The following EML2 variants were observed in gnomAD, a reference collection of about 807,000 sequenced individuals.
EML2 encodes echinoderm microtubule-associated protein-like 2.
EML2 carries 59 observed loss-of-function variants against 84.7 expected under a neutral mutation model. That is an observed-to-expected ratio of 0.70 (90% CI 0.56 to 0.86). The LOEUF (loss-of-function observed/expected upper bound fraction) is 0.86, where lower values mean the gene tolerates loss of function less well. EML2 is among the 40% of genes least tolerant of loss of function. The pLI, the probability that EML2 is intolerant of heterozygous loss-of-function variation, is 0.00. For synonymous variants in EML2, 352 were observed against 348.9 expected, an observed-to-expected ratio of 1.01 and a Z score of -0.10; for missense variants, 818 against 855.6, an observed-to-expected ratio of 0.96 and a Z score of 0.55.
intron 8 of EML2, among the ~76,000 whole-genome samples, chr19:45,625,247 T>G (rs1282068122): frequency 6.6e-6 from 1 of 152,120 alleles, no homozygotes; most frequent in Non-Finnish European, 1.5e-5. Context: ...GTTTTGTTTT[T>G]GTTTTTGTTT....
chr19:45,645,524 G>C (rs956444031), upstream of EML2: 3 of 1,279,618 alleles, frequency 2.3e-6, no homozygotes, highest in Admixed American at 9.8e-5. Flanking sequence ...CCAGAAAGGG[G>C]GGTCGGGACA....
Position 45,628,983 on chromosome 19 carries a change from G to T in EML2, c.606+968C>A, listed in dbSNP as rs545698204. Among the ~76,000 whole-genome samples the T allele has an allele frequency of 1.9e-4, 29 of 152,212 alleles. No homozygotes were observed. The South Asian group carries it at 2.9e-3, about 15-fold the overall frequency. Reference sequence around the variant, plus strand: ...CTTAAAATAGGCCACCTCTCAGAGAGGGAAATCGAGACACCAGAGGACTGC... The same window carrying T: ...CTTAAAATAGGCCACCTCTCAGAGATGGAAATCGAGACACCAGAGGACTGC... On this transcript the variant is annotated intron_variant, in intron 7 of 18. Coordinates refer to ENST00000245925, the MANE Select transcript of EML2 (RefSeq NM_012155.4).
chr19:45,618,958 A>C, intron 12 of EML2, 102 bp downstream of exon 12: 2 of 1,326,606 alleles, frequency 1.5e-6, no homozygotes, highest in Non-Finnish European at 2.0e-6. Context: ...AAGAAAAAAA[A>C]AAAAAGACCT....
upstream of EML2, chr19:45,644,906 T>C: frequency 7.0e-6 from 3 of 428,342 alleles, no homozygotes; most frequent in Non-Finnish European, 1.4e-5. Flanking sequence ...CCTCTGTCTG[T>C]CCCCCTGCTA....
intron 6 of EML2, chr19:45,632,497 A>T (rs12386125): frequency 0.34 from 60,446 of 175,490 alleles, 10,549 homozygotes; most frequent in East Asian, 0.5. Context: ...ATTTTTTTTT[A>T]AAAAAAAGCC....
Position 45,630,058 on chromosome 19 carries a change from G to A in EML2, c.511-12C>T, listed in dbSNP as rs372194306. The A allele has an allele frequency of 8.7e-6, 14 of 1,604,154 alleles. No homozygotes were observed. Among genetic ancestry groups the A allele is most frequent in the Middle Eastern group, 1.7e-4 (1 of 6,030 alleles). On this transcript the variant is annotated splice_polypyrimidine_tract_variant and intron_variant, in intron 6 of 18. Transcript: ENST00000245925. ...AGGTTGCCTCCATTCTAAAGAGGAG[G>A]AGAGAGGAGGGGGACAGAGGCAAGG...
chr19:45,616,247 C>T (rs1600087889), intron 15 of EML2: 1 of 530,870 alleles, frequency 1.9e-6, no homozygotes, highest in African/African-American at 2.2e-5. Context: ...CGGGGCTACA[C>T]AGATGGGCTT....
upstream of EML2, chr19:45,641,521 C>G: frequency 9.9e-7 from 1 of 1,006,496 alleles, no homozygotes; most frequent in Non-Finnish European, 1.5e-6. Context: ...GGCACCGTCC[C>G]CGCTTTTGAA....
At chr19:45,617,156 G>T (rs1971186192) in intron 13 of EML2, among the ~76,000 whole-genome samples, 1 of 151,304 alleles carries the variant, frequency 6.6e-6, no homozygotes, top group Non-Finnish European at 1.5e-5. Flanking sequence ...TGAGGCACGA[G>T]AATTGCTTGA....
intron 18 of EML2, among the ~76,000 whole-genome samples, chr19:45,611,730 C>T (rs1481565135): frequency 2.6e-5 from 4 of 152,068 alleles, no homozygotes; most frequent in South Asian, 2.1e-4. Context: ...TCAGGTGATC[C>T]GCCTGCCTCG....
At chr19:45,634,556 ATTTT>A (rs1437811158) in intron 3 of EML2, 85 bp from the exon 4 acceptor site, 25 of 1,050,146 alleles carry the variant, frequency 2.4e-5, no homozygotes, top group Admixed American at 4.4e-5. Flanking sequence ...TTTATTTTTA[ATTTT>A]TTTATTTATT....
upstream of EML2, chr19:45,642,531 C>T (rs1337245775): frequency 1.7e-5 from 24 of 1,413,686 alleles, no homozygotes; most frequent in Admixed American, 9.0e-5. Flanking sequence ...GGAAGGAAAT[C>T]CCCACAGCTC....
At chr19:45,634,801 T>A (rs1324187700) in intron 3 of EML2, among the ~76,000 whole-genome samples, 3 of 151,890 alleles carry the variant, frequency 2.0e-5, no homozygotes, top group African/African-American at 7.3e-5. Context: ...GACCTTGTGA[T>A]CCACCCGCCT....
intron 15 of EML2, 34 bp from the exon 16 acceptor site, chr19:45,615,923 C>T: frequency 6.5e-7 from 1 of 1,545,740 alleles, no homozygotes; most frequent in Non-Finnish European, 8.9e-7. Context: ...GTTAGAGCTG[C>T]AGAGGGCGGA....
upstream of EML2, chr19:45,639,421 C>T (rs1323993292): frequency 6.4e-6 from 8 of 1,247,340 alleles, no homozygotes; most frequent in Non-Finnish European, 8.1e-6. Flanking sequence ...GAGCCGGGAC[C>T]GGCTCTGCCG....
At chr19:45,609,892 T>C in intron 18 of EML2, 104 bp from the exon 19 acceptor site, 18 of 1,395,920 alleles carry the variant, frequency 1.3e-5, no homozygotes, top group Middle Eastern at 2.5e-4. Flanking sequence ...TTCCTCTTTT[T>C]TTTTTTTTTT....
chr19:45,625,601 C>T (rs996057296), intron 8 of EML2, among the ~76,000 whole-genome samples: 2 of 152,190 alleles, frequency 1.3e-5, no homozygotes, highest in African/African-American at 4.8e-5. Context: ...CTCCTCCTCC[C>T]TCCTCACCTC....
At chr19:45,630,551 CAAA>C (rs764565313) in intron 6 of EML2, among the ~76,000 whole-genome samples, 8 of 106,184 alleles carry the variant, frequency 7.5e-5, no homozygotes, top group Admixed American at 1.1e-4. Flanking sequence ...GACTCTGTCT[CAAA>C]AAAAAAAAAA....
At chr19:45,610,123 C>T (rs151124733) in intron 18 of EML2, among the ~76,000 whole-genome samples, 2 of 152,194 alleles carry the variant, frequency 1.3e-5, no homozygotes, top group African/African-American at 4.8e-5. Context: ...AGAGGCCAGG[C>T]GTGGTGGCTC....
Sources: gnomAD v4.1 joint callset for allele counts (sites outside exome capture counted in the v4.1 genomes callset) on GRCh38, gnomAD v4.1.1 for gene constraint, MANE v1.5 for transcripts, NCBI Gene and HGNC (gene_info 2026-07-23, HGNC 2026-07-21) for gene names.